The following SGCZ variants were observed in gnomAD, a reference collection of about 807,000 sequenced individuals.
SGCZ encodes the protein zeta-sarcoglycan.
In SGCZ, 40 loss-of-function variants were observed where a neutral mutation model predicts 41.3. The observed-to-expected ratio is 0.97, with a 90% CI of 0.75 to 1.26. SGCZ has a LOEUF of 1.26. SGCZ is among the 50% of genes most tolerant of loss of function. SGCZ has a pLI of 0.00. For synonymous variants in SGCZ, 206 were observed against 137.5 expected (o/e 1.50, Z -3.49); for missense variants, 552 against 369.8 (o/e 1.49, Z -4.04).
chr8:14,394,085 T>A (rs1563300531), intron 2 of SGCZ, among the ~76,000 whole-genome samples: 1 of 151,072 alleles, frequency 6.6e-6, no homozygotes, highest in African/African-American at 2.4e-5. Context: ...AGATGTAGCA[T>A]ACAAATGACT....
chr8:14,677,201 T>C (rs1211705885), intron 1 of SGCZ, among the ~76,000 whole-genome samples: 1 of 151,982 alleles, frequency 6.6e-6, no homozygotes, highest in African/African-American at 2.4e-5. Context: ...AAACACAGCA[T>C]CATTTACATT....
chr8:14,440,697 GTATATATGTA>G (rs1563330803), intron 2 of SGCZ, among the ~76,000 whole-genome samples: 1 of 66,150 alleles, frequency 1.5e-5, no homozygotes. Flanking sequence ...ACACGTATAT[GTATATATGTA>G]TATACATACG....
chr8:14,649,510 C>G (rs1807328782), intron 1 of SGCZ, among the ~76,000 whole-genome samples: 2 of 151,398 alleles, frequency 1.3e-5, no homozygotes, highest in African/African-American at 4.9e-5. Flanking sequence ...GATGGAAGAA[C>G]AGGTCAACGG....
At chr8:14,661,606 A>G (rs1807753249) in intron 1 of SGCZ, among the ~76,000 whole-genome samples, 1 of 152,170 alleles carries the variant, frequency 6.6e-6, no homozygotes, top group Non-Finnish European at 1.5e-5. Context: ...ATGACTCAAC[A>G]TAAATCAGTA....
intron 4 of SGCZ, among the ~76,000 whole-genome samples, chr8:14,187,430 T>C (rs542742428): frequency 5.3e-5 from 8 of 152,138 alleles, no homozygotes; most frequent in Admixed American, 1.3e-4. Flanking sequence ...ACTTTATAAA[T>C]ATGTTCAAAT....
intron 2 of SGCZ, among the ~76,000 whole-genome samples, chr8:14,455,715 G>T (rs1271754398): frequency 1.3e-5 from 2 of 152,170 alleles, no homozygotes; most frequent in Non-Finnish European, 2.9e-5. Flanking sequence ...CCATACTTAG[G>T]AAAGTGGTTG....
At chr8:14,274,450 G>C (rs909222154) in intron 3 of SGCZ, among the ~76,000 whole-genome samples, 35 of 152,066 alleles carry the variant, frequency 2.3e-4, no homozygotes, top group African/African-American at 8.2e-4. Flanking sequence ...AGAAACATTT[G>C]ACAAATCCAA....
chr8:15,085,618 T>G, intron 1 of SGCZ, among the ~76,000 whole-genome samples: 1 of 152,318 alleles, frequency 6.6e-6, no homozygotes, highest in Middle Eastern at 3.4e-3. Context: ...ACCTGACAGA[T>G]AATCCCTCCT....
intron 1 of SGCZ, among the ~76,000 whole-genome samples, chr8:14,937,921 A>C (rs141584384): frequency 3.3e-5 from 5 of 152,278 alleles, no homozygotes; most frequent in African/African-American, 1.2e-4. Context: ...ATTGGATATA[A>C]TATAATCTAG....
chr8:14,315,446 A>G (rs1027277339), intron 3 of SGCZ, among the ~76,000 whole-genome samples: 9 of 152,132 alleles, frequency 5.9e-5, no homozygotes, highest in African/African-American at 1.9e-4. Context: ...AACTCTAAAG[A>G]TTATGAAGCA....
chr8:14,315,670 G>T (rs528402348), intron 3 of SGCZ, among the ~76,000 whole-genome samples: 2 of 151,926 alleles, frequency 1.3e-5, no homozygotes, highest in African/African-American at 4.8e-5. Flanking sequence ...TAACTTCAAG[G>T]CCTAAGATAG....
At chr8:14,512,145 T>C (rs1460421855) in intron 2 of SGCZ, among the ~76,000 whole-genome samples, 1 of 152,108 alleles carries the variant, frequency 6.6e-6, no homozygotes, top group Non-Finnish European at 1.5e-5. Context: ...TTCTACTCTG[T>C]TAGGAAATGG....
In SGCZ at chr8:15,237,857, C is replaced by T; in HGVS notation, c.-234G>A. 1.9e-6 allele frequency: 1 copy of T among 518,958 alleles called. No individual in the cohort carries two copies. Among genetic ancestry groups the T allele is most frequent in the Non-Finnish European group, 3.5e-6 (1 of 288,988 alleles). The allele number at this position is 518,958 out of a possible 1,614,324, so 32.1% of individuals were successfully genotyped here. ...CCTCAAAGATTTAGTGACAGGTGAT[C>T]TCTACCGCGGTGCAACACAGCTGAG... On this transcript the variant is annotated 5_prime_UTR_variant, in exon 1 of 8. Transcript: ENST00000382080.
intron 1 of SGCZ, among the ~76,000 whole-genome samples, chr8:14,834,911 C>G (rs2130611185): frequency 6.6e-6 from 1 of 152,286 alleles, no homozygotes; most frequent in South Asian, 2.1e-4. Context: ...CTCCCTCTCC[C>G]TGCTTTTTAG....
In SGCZ at chr8:14,400,760, A is replaced by AC. The variant is rs755837371; in HGVS notation, c.235-76557_235-76556insG. On this transcript the variant is annotated intron_variant, in intron 2 of 7. Transcript: ENST00000382080. Reference sequence around the variant, plus strand: ...AAGCTAAGACTTTGTAATCAATAGTATTTTTTTTTACAGAAAAGTAAAATA... The same window carrying AC: ...AAGCTAAGACTTTGTAATCAATAGTACTTTTTTTTTACAGAAAAGTAAAATA... Among the ~76,000 whole-genome samples the AC allele has an allele frequency of 1.5e-4, 22 of 151,402 alleles. No individual in the cohort carries two copies. The East Asian group carries it at 4.3e-3, about 29-fold the overall frequency.
intron 2 of SGCZ, among the ~76,000 whole-genome samples, chr8:14,389,975 G>C (rs921774557): frequency 5.9e-5 from 9 of 151,886 alleles, no homozygotes; most frequent in African/African-American, 2.2e-4. Context: ...GAAGACGGGG[G>C]ATTTTTGTAA....
At chr8:14,504,278 G>A (rs1348038909) in intron 2 of SGCZ, among the ~76,000 whole-genome samples, 1 of 152,136 alleles carries the variant, frequency 6.6e-6, no homozygotes, top group African/African-American at 2.4e-5. Context: ...TTAAATCTCT[G>A]AAATGACTTC....
At chr8:14,858,237 G>C (rs549471730) in intron 1 of SGCZ, among the ~76,000 whole-genome samples, 1 of 151,670 alleles carries the variant, frequency 6.6e-6, no homozygotes, top group African/African-American at 2.4e-5. Context: ...GAGAAATTAA[G>C]ATAAATTATT....
intron 1 of SGCZ, among the ~76,000 whole-genome samples, chr8:15,115,425 T>C (rs1585579182): frequency 1.3e-5 from 2 of 152,190 alleles, no homozygotes; most frequent in Non-Finnish European, 2.9e-5. Flanking sequence ...TAGTAATCTC[T>C]ACTGGAAATG....
Sources: gnomAD v4.1 joint callset for allele counts (sites outside exome capture counted in the v4.1 genomes callset) on GRCh38, gnomAD v4.1.1 for gene constraint, MANE v1.5 for transcripts, NCBI Gene and HGNC (gene_info 2026-07-23, HGNC 2026-07-21) for gene names.